Variants in RBMS1 observed in about 807,000 individuals in gnomAD.
RBMS1 encodes the protein RNA binding motif single stranded interacting protein 1.
In RBMS1, 17 loss-of-function variants were observed where a neutral mutation model predicts 62.3. The observed-to-expected ratio is 0.27, with a 90% confidence interval of 0.19 to 0.41. RBMS1 has a LOEUF of 0.41. Ranked by LOEUF, RBMS1 falls within the 10% of genes least tolerant of loss-of-function variation. The pLI, the probability that RBMS1 is intolerant of heterozygous loss-of-function variation, is 1.00. For synonymous variants in RBMS1, 172 were observed against 170.0 expected, an observed-to-expected ratio of 1.01 and a Z score of -0.09; for missense variants, 334 against 504.5, an observed-to-expected ratio of 0.66 and a Z score of 3.24.
At chr2:160,415,075 C>T (rs559646407) in intron 1 of RBMS1, among the ~76,000 whole-genome samples, 13 of 151,576 alleles carry the variant, frequency 8.6e-5, no homozygotes, top group Admixed American at 6.6e-4. Flanking sequence ...TGCTGTTTTC[C>T]TAAATTGACT....
rs1694151053 is a variant in RBMS1, at chr2:160,379,131, A to C, written c.76-11740T>G. ...CTACTCTGGTGGCTGTGGCCAGAGG[A>C]TCACTTGAGCCCAGTTGGCAGAGGT... On this transcript the variant is annotated intron_variant, in intron 1 of 13. Coordinates refer to ENST00000348849, the MANE Select transcript of RBMS1 (RefSeq NM_016836.4). 2.0e-5 allele frequency among the ~76,000 whole-genome samples: 3 copies of C among 152,144 alleles called. No individual in the cohort carries two copies. In the South Asian group the frequency reaches 6.2e-4, roughly 32 times the overall value.
In RBMS1 at chr2:160,407,724, G is replaced by A. The variant is rs997189121; in HGVS notation, c.76-40333C>T. Reference sequence around the variant, plus strand: ...GACTTCCCCTCCGCCTTCGACCTCCGCACTCGCCTAAAAGTACGGCGCGGC... The same window carrying A: ...GACTTCCCCTCCGCCTTCGACCTCCACACTCGCCTAAAAGTACGGCGCGGC... On this transcript the variant is annotated intron_variant, in intron 1 of 13. Coordinates refer to ENST00000348849, the MANE Select transcript of RBMS1 (RefSeq NM_016836.4). The A allele has an allele frequency of 3.7e-5, 36 of 981,314 alleles. No homozygotes were observed. In the African/African-American group the frequency reaches 6.2e-4, roughly 17 times the overall value. The allele number at this position is 981,314 out of a possible 1,614,324, so 60.8% of individuals were successfully genotyped here.
Position 160,431,054 on chromosome 2 carries a change from AG to A in RBMS1, c.75+62234del, listed in dbSNP as rs558888976. ...ACTGGATTTTTCCCACTGATAGCTA[AG>A]TGTTCTTGCGGGGAGTTGTGTGTGG... On this transcript the variant is annotated intron_variant, in intron 1 of 13. Coordinates refer to ENST00000348849, the MANE Select transcript of RBMS1 (RefSeq NM_016836.4). Among the ~76,000 whole-genome samples the A allele has an allele frequency of 2.3e-3, 347 of 150,208 alleles. 7 individuals are homozygous for A. The highest frequency in any genetic ancestry group is 2.2e-4 in the Non-Finnish European group (15 of 67,508).
chr2:160,447,239 C>A (rs1000444468), intron 1 of RBMS1, among the ~76,000 whole-genome samples: 1 of 152,104 alleles, frequency 6.6e-6, no homozygotes, highest in Non-Finnish European at 1.5e-5. Context: ...AAGGTCATCT[C>A]AGAAAGTGAA....
intron 1 of RBMS1, among the ~76,000 whole-genome samples, chr2:160,389,811 T>C (rs536624378): frequency 6.8e-4 from 103 of 151,606 alleles, no homozygotes; most frequent in African/African-American, 2.3e-3. Context: ...TTTTTTTTTT[T>C]CAATCAATCC....
chr2:160,311,314 A>G lies in RBMS1; in HGVS notation c.402+1842T>C, dbSNP rs571000509. Among the ~76,000 whole-genome samples the G allele has an allele frequency of 6.1e-3, 909 of 148,708 alleles. 16 individuals are homozygous for G. The highest frequency in any genetic ancestry group is 0.02 in the African/African-American group (794 of 40,672). The stretch of plus-strand genomic sequence containing the variant: ...TTTAAGAAAATCTAAAGTAAGTCCA[A>G]CTCAATGCAAAGTTTTAAAAATATT... On this transcript the variant is annotated intron_variant, in intron 4 of 13. Transcript: ENST00000348849.
chr2:160,347,951 G>A (rs1394459707), intron 2 of RBMS1, among the ~76,000 whole-genome samples: 1 of 152,030 alleles, frequency 6.6e-6, no homozygotes, highest in Non-Finnish European at 1.5e-5. Flanking sequence ...AAAATAAACA[G>A]CAACAAATTA....
intron 2 of RBMS1, among the ~76,000 whole-genome samples, chr2:160,324,050 A>C (rs935986498): frequency 5.3e-5 from 8 of 152,236 alleles, no homozygotes; most frequent in Admixed American, 2.6e-4. Context: ...TCTATCACTT[A>C]GTTACTCCTA....
intron 7 of RBMS1, among the ~76,000 whole-genome samples, chr2:160,286,584 T>C (rs1688412705): frequency 2.0e-5 from 3 of 152,130 alleles, no homozygotes; most frequent in Admixed American, 1.3e-4. Flanking sequence ...CCTCCCAAAG[T>C]GCTAGGATTA....
intron 10 of RBMS1, among the ~76,000 whole-genome samples, chr2:160,279,970 A>G (rs1323850766): frequency 1.3e-5 from 2 of 152,228 alleles, no homozygotes; most frequent in Non-Finnish European, 2.9e-5. Context: ...TGTGTCAGAG[A>G]TAATGTTTGT....
chr2:160,367,584 G>A, intron 1 of RBMS1, 193 bp from the exon 2 acceptor site: 3 of 1,043,194 alleles, frequency 2.9e-6, no homozygotes, highest in South Asian at 2.3e-5. Flanking sequence ...TTGATAATAG[G>A]GTTTACTAAG....
At chr2:160,354,714 C>T (rs1692698462) in intron 2 of RBMS1, among the ~76,000 whole-genome samples, 1 of 152,104 alleles carries the variant, frequency 6.6e-6, no homozygotes, top group African/African-American at 2.4e-5. Context: ...CATGCAGATT[C>T]CTTTATTAAC....
intron 1 of RBMS1, among the ~76,000 whole-genome samples, chr2:160,383,783 T>C (rs1694418728): frequency 6.6e-6 from 1 of 152,232 alleles, no homozygotes; most frequent in South Asian, 2.1e-4. Context: ...TACGTTGTAA[T>C]ACCAATGAGT....
chr2:160,309,276 A>G (rs1041815986), intron 4 of RBMS1, among the ~76,000 whole-genome samples: 10 of 152,184 alleles, frequency 6.6e-5, no homozygotes, highest in Admixed American at 5.2e-4. Context: ...TCAGTCAAGC[A>G]AGAGAGGGCG....
chr2:160,473,987 G>C (rs1246146298), intron 1 of RBMS1, among the ~76,000 whole-genome samples: 1 of 151,988 alleles, frequency 6.6e-6, no homozygotes, highest in Non-Finnish European at 1.5e-5. Context: ...AGGAAAGCTA[G>C]TTTTATCTTT....
At chr2:160,356,499 A>G (rs1692810260) in intron 2 of RBMS1, among the ~76,000 whole-genome samples, 1 of 150,738 alleles carries the variant, frequency 6.6e-6, no homozygotes, top group African/African-American at 2.5e-5. Flanking sequence ...TTCAGGGTAC[A>G]CTTGGAGAGG....
Position 160,461,277 on chromosome 2 carries a change from G to T in RBMS1, c.75+32012C>A, listed in dbSNP as rs187483182. On this transcript the variant is annotated intron_variant, in intron 1 of 13. Coordinates refer to ENST00000348849, the MANE Select transcript of RBMS1 (RefSeq NM_016836.4). The stretch of plus-strand genomic sequence containing the variant: ...AGAAAGAGAGAGAGAGAGAGAGGGA[G>T]AGAAAGAAAGAGAGAAAGAGAAAAG... Among the ~76,000 whole-genome samples, 19 of 152,192 alleles carry T rather than the reference G, an allele frequency of 1.2e-4. No homozygotes were observed. The East Asian group carries it at 3.5e-3, about 28-fold the overall frequency.
At chr2:160,443,181 G>A (rs1683484531) in intron 1 of RBMS1, among the ~76,000 whole-genome samples, 1 of 149,838 alleles carries the variant, frequency 6.7e-6, no homozygotes, top group South Asian at 2.1e-4. Context: ...ACTCCAGCCT[G>A]CGTGACAGTG....
intron 6 of RBMS1, among the ~76,000 whole-genome samples, chr2:160,294,348 A>T (rs1688828623): frequency 6.6e-6 from 1 of 152,212 alleles, no homozygotes; most frequent in Admixed American, 6.5e-5. Context: ...GATGTGGTAC[A>T]TTAGATTTTT....
Sources: allele counts gnomAD v4.1 joint callset (sites outside exome capture counted in the v4.1 genomes callset), GRCh38; gene constraint gnomAD v4.1.1; transcripts MANE v1.5; gene names NCBI Gene and HGNC (gene_info 2026-07-23, HGNC 2026-07-21).